Variants in AFF3 observed in about 807,000 individuals in gnomAD.
The protein encoded by AFF3 is AF4/FMR2 family member 3.
Under a neutral mutation model 129.7 loss-of-function variants are expected in AFF3, and 32 were observed. The ratio of observed to expected loss-of-function variants is 0.25; its 90% CI spans 0.19 to 0.33. The LOEUF (loss-of-function observed/expected upper bound fraction) is 0.33, where lower values mean the gene tolerates loss of function less well. Ranked by LOEUF, AFF3 falls within the 10% of genes least tolerant of loss-of-function variation. The probability of loss-of-function intolerance (pLI) is 1.00; values close to 1 mark genes in which losing one functional copy is unlikely to be tolerated. For synonymous variants in AFF3, 644 were observed against 635.4 expected (o/e 1.01, Z -0.20); for missense variants, 1,373 against 1,592.0 (o/e 0.86, Z 2.34).
Position 99,576,369 on chromosome 2 carries a change from A to T in AFF3, c.2918+1958T>A, listed in dbSNP as rs552247023. Among the ~76,000 whole-genome samples, 438 of 151,248 alleles carry T rather than the reference A, an allele frequency of 2.9e-3. 2 individuals carry two copies. Among genetic ancestry groups the T allele is most frequent in the Admixed American group, 6.5e-3 (98 of 15,178 alleles). On this transcript the variant is annotated intron_variant, in intron 18 of 24. Coordinates refer to ENST00000672756, the MANE Select transcript of AFF3 (RefSeq NM_001386135.1). ...TCTACAAAAAAAAAAAAAAAAATTT[A>T]ACTGGGTGTGGTAGCATGCATCTGT...
At chr2:99,994,827 T>G (rs919853230) in intron 7 of AFF3, among the ~76,000 whole-genome samples, 1 of 152,172 alleles carries the variant, frequency 6.6e-6, no homozygotes, top group African/African-American at 2.4e-5. Flanking sequence ...CTGCCTGACA[T>G]CATTTGAACC....
chr2:99,856,699 T>C (rs553703673), intron 7 of AFF3, among the ~76,000 whole-genome samples: 5 of 152,296 alleles, frequency 3.3e-5, no homozygotes, highest in African/African-American at 1.2e-4. Context: ...TTCTGGCGCC[T>C]AATCCTTTCT....
At chr2:99,923,017 T>C (rs1407921524) in intron 7 of AFF3, among the ~76,000 whole-genome samples, 1 of 152,190 alleles carries the variant, frequency 6.6e-6, no homozygotes, top group African/African-American at 2.4e-5. Flanking sequence ...AGCAACCTTA[T>C]AAATGTTTCT....
intron 4 of AFF3, among the ~76,000 whole-genome samples, chr2:100,033,112 A>C (rs1029625206): frequency 6.6e-6 from 1 of 152,204 alleles, no homozygotes; most frequent in African/African-American, 2.4e-5. Context: ...ACATCCTTGC[A>C]TATGCCATAC....
At chr2:99,712,914 A>T (rs1030922571) in intron 11 of AFF3, among the ~76,000 whole-genome samples, 1 of 152,242 alleles carries the variant, frequency 6.6e-6, no homozygotes, top group African/African-American at 2.4e-5. Flanking sequence ...TTAAAAAGGA[A>T]GAAAATTCTG....
intron 4 of AFF3, among the ~76,000 whole-genome samples, chr2:100,077,726 A>G (rs1002771784): frequency 1.3e-5 from 2 of 152,162 alleles, no homozygotes; most frequent in Non-Finnish European, 2.9e-5. Context: ...TACTATTTCC[A>G]CTACCAAGTA....
intron 13 of AFF3, among the ~76,000 whole-genome samples, chr2:99,633,238 C>T (rs1043991201): frequency 1.3e-5 from 2 of 151,924 alleles, no homozygotes; most frequent in Admixed American, 1.3e-4. Context: ...GCACCGTACA[C>T]GTGCCGAGAT....
intron 7 of AFF3, among the ~76,000 whole-genome samples, chr2:99,899,089 T>C (rs530624349): frequency 6.6e-6 from 1 of 152,240 alleles, no homozygotes; most frequent in Non-Finnish European, 1.5e-5. Context: ...AATAAGTACC[T>C]GTGGATTTGA....
chr2:99,800,484 C>T (rs1188115057), intron 8 of AFF3, among the ~76,000 whole-genome samples: 1 of 152,146 alleles, frequency 6.6e-6, no homozygotes, highest in African/African-American at 2.4e-5. Context: ...GATATAAGCA[C>T]TTTGGAGAAC....
At chr2:99,763,233 C>G (rs1405666520) in intron 8 of AFF3, among the ~76,000 whole-genome samples, 2 of 152,184 alleles carry the variant, frequency 1.3e-5, no homozygotes, top group Non-Finnish European at 2.9e-5. Context: ...CAGGGTCAGG[C>G]TGGAAGGCTC....
intron 8 of AFF3, among the ~76,000 whole-genome samples, chr2:99,790,421 T>G (rs1392089606): frequency 6.6e-6 from 1 of 152,236 alleles, no homozygotes; most frequent in African/African-American, 2.4e-5. Context: ...AACCTCCTAG[T>G]GAATGAATGA....
chr2:99,565,354 C>T (rs1201355474), intron 20 of AFF3, 133 bp downstream of exon 20: 3 of 1,333,882 alleles, frequency 2.2e-6, no homozygotes, highest in Admixed American at 3.9e-5. Context: ...CGACCTTACC[C>T]TCTTATTTTG....
chr2:99,940,281 T>C (rs1364091980), intron 7 of AFF3, among the ~76,000 whole-genome samples: 4 of 152,290 alleles, frequency 2.6e-5, no homozygotes, highest in Admixed American at 2.6e-4. Flanking sequence ...AATATTCCAG[T>C]TCTCCATTTT....
chr2:99,713,793 G>A lies in AFF3; in HGVS notation c.1091+13284C>T, dbSNP rs185348818. ...AGCTCACTGCAGCCTCTACCTCCCA[G>A]GTTCAAGCAATTCTCCTGCCTCAGC... is the stretch of plus-strand genomic sequence containing the variant. On this transcript the variant is annotated intron_variant, in intron 11 of 24. Transcript: ENST00000672756. Among the ~76,000 whole-genome samples, 713 of 151,660 alleles carry A rather than the reference G, an allele frequency of 4.7e-3. 6 individuals are homozygous for A. Among genetic ancestry groups the A allele is most frequent in the African/African-American group, 0.017 (684 of 41,344 alleles).
chr2:99,883,443 A>G (rs987207852), intron 7 of AFF3, among the ~76,000 whole-genome samples: 1 of 152,150 alleles, frequency 6.6e-6, no homozygotes, highest in African/African-American at 2.4e-5. Context: ...AATAAAATAC[A>G]CGCTTCATTA....
intron 4 of AFF3, among the ~76,000 whole-genome samples, chr2:100,015,156 G>A (rs1454122175): frequency 6.6e-6 from 1 of 151,908 alleles, no homozygotes; most frequent in Non-Finnish European, 1.5e-5. Flanking sequence ...TCATTTATGT[G>A]GTTTACCCAC....
chr2:100,059,963 TG>T (rs1233221688), intron 4 of AFF3, among the ~76,000 whole-genome samples: 1 of 151,220 alleles, frequency 6.6e-6, no homozygotes, highest in Non-Finnish European at 1.5e-5. Flanking sequence ...TAACGTTCTG[TG>T]TAACAACAAA....
chr2:99,918,523 G>A (rs559392088), intron 7 of AFF3, among the ~76,000 whole-genome samples: 5 of 152,216 alleles, frequency 3.3e-5, no homozygotes, highest in South Asian at 2.1e-4. Context: ...CTGTTCTCCC[G>A]ACAGTGTTTG....
At chr2:99,735,917 T>C (rs968429244) in intron 10 of AFF3, among the ~76,000 whole-genome samples, 10 of 152,256 alleles carry the variant, frequency 6.6e-5, no homozygotes, top group African/African-American at 1.9e-4. Flanking sequence ...TCTAGAGTGA[T>C]TCTTAATTTC....
Sources: gnomAD v4.1 joint callset for allele counts (sites outside exome capture counted in the v4.1 genomes callset) on GRCh38, gnomAD v4.1.1 for gene constraint, MANE v1.5 for transcripts, NCBI Gene and HGNC (gene_info 2026-07-23, HGNC 2026-07-21) for gene names.